SAMD4A: variants seen among roughly 807,000 people sequenced by gnomAD.
SAMD4A encodes the protein sterile alpha motif domain containing 4A.
A neutral mutation model predicts 81.3 loss-of-function variants in SAMD4A; 33 were observed. That is an observed-to-expected ratio of 0.41 (90% CI 0.31 to 0.54). SAMD4A has a LOEUF of 0.54. Ranked by LOEUF, SAMD4A falls within the 20% of genes least tolerant of loss-of-function variation. The pLI, the probability that SAMD4A is intolerant of heterozygous loss-of-function variation, is 0.37. For missense variants in SAMD4A, 854 were observed against 951.1 expected (o/e 0.90, Z 1.34); for synonymous variants, 389 against 382.1 (o/e 1.02, Z -0.21).
At chr14:54,616,694 A>G (rs1007555206) in intron 2 of SAMD4A, among the ~76,000 whole-genome samples, 14 of 152,366 alleles carry the variant, frequency 9.2e-5, no homozygotes, top group African/African-American at 2.9e-4. Context: ...TGGTTAAGCT[A>G]TGTTTCCATA....
chr14:54,764,944 C>T (rs987660610), intron 8 of SAMD4A, among the ~76,000 whole-genome samples: 3 of 152,170 alleles, frequency 2.0e-5, no homozygotes, highest in African/African-American at 7.2e-5. Flanking sequence ...AGAAAGAGAG[C>T]CCATAAAGAA....
chr14:54,598,591 G>GA (rs1239916212), intron 2 of SAMD4A, among the ~76,000 whole-genome samples: 1 of 152,044 alleles, frequency 6.6e-6, no homozygotes, highest in East Asian at 1.9e-4. Context: ...TCTTCCTTAG[G>GA]AAAAAGTAGA....
intron 2 of SAMD4A, among the ~76,000 whole-genome samples, chr14:54,603,998 T>G (rs2034133021): frequency 6.6e-6 from 1 of 152,138 alleles, no homozygotes; most frequent in Non-Finnish European, 1.5e-5. Flanking sequence ...CTAATTTTTG[T>G]ATTTTTAGTA....
At chr14:54,656,668 C>T (rs556662636) in intron 2 of SAMD4A, among the ~76,000 whole-genome samples, 3 of 152,258 alleles carry the variant, frequency 2.0e-5, no homozygotes, top group Non-Finnish European at 4.4e-5. Context: ...CACTGTGTTG[C>T]CCAGGCTGGA....
At chr14:54,597,994 G>A (rs4901523) in intron 2 of SAMD4A, among the ~76,000 whole-genome samples, 22,591 of 152,124 alleles carry the variant, frequency 0.15, 1,993 homozygotes, top group East Asian at 0.38. Flanking sequence ...GGACAGATGA[G>A]TCATGCTAAT....
chr14:54,595,267 A>G (rs1036091992), intron 2 of SAMD4A, among the ~76,000 whole-genome samples: 1 of 152,122 alleles, frequency 6.6e-6, no homozygotes, highest in Admixed American at 6.5e-5. Flanking sequence ...ATTTGAGCAC[A>G]TCTTCACTAG....
chr14:54,626,167 T>C (rs1483091427), intron 2 of SAMD4A, among the ~76,000 whole-genome samples: 1 of 151,966 alleles, frequency 6.6e-6, no homozygotes, highest in Non-Finnish European at 1.5e-5. Context: ...AAATAGTGGC[T>C]CTAGTTTAAT....
At chr14:54,674,780 C>T (rs1335251342) in intron 2 of SAMD4A, among the ~76,000 whole-genome samples, 1 of 152,194 alleles carries the variant, frequency 6.6e-6, no homozygotes, top group Non-Finnish European at 1.5e-5. Flanking sequence ...CAGGGTCTCA[C>T]TCTGTCACCC....
In SAMD4A at chr14:54,775,612, C is replaced by A. The variant is rs78838132; in HGVS notation, c.1917+477C>A. On this transcript the variant is annotated intron_variant, in intron 10 of 12. Coordinates refer to ENST00000554335, the MANE Select transcript of SAMD4A (RefSeq NM_015589.6). ...TTCTCAGCCTGCCCAGAGGTTCTTGCTGTGCAGTTTAGAGCTGACTTCTCT... is the reference window on the plus strand; with the variant it reads ...TTCTCAGCCTGCCCAGAGGTTCTTGATGTGCAGTTTAGAGCTGACTTCTCT... Among the ~76,000 whole-genome samples, 40 of 152,280 alleles carry A rather than the reference C, an allele frequency of 2.6e-4. No homozygotes were observed. In the East Asian group the frequency reaches 7.3e-3, roughly 28 times the overall value.
intron 2 of SAMD4A, among the ~76,000 whole-genome samples, chr14:54,647,565 A>G (rs2035312662): frequency 6.6e-6 from 1 of 152,260 alleles, no homozygotes; most frequent in Admixed American, 6.5e-5. Context: ...TACATTGACT[A>G]TATGCTCATG....
In SAMD4A at chr14:54,737,110, C is replaced by T. The variant is rs1470712625; in HGVS notation, c.802C>T (p.His268Tyr). Residue 268 changes from histidine to tyrosine, a missense_variant, in exon 4 of 13, where the codon CAT (histidine) becomes TAT (tyrosine). By Grantham distance (83) the His-to-Tyr change is moderately conservative. Coordinates refer to ENST00000554335, the MANE Select transcript of SAMD4A (RefSeq NM_015589.6). ...PMNVPNQPLG[H>Y]GWMSHEDLRA... is the part of the protein sequence containing the mutation. ...GAATGTGCCAAACCAGCCTCTAGGA[C>T]ATGGATGGATGTCTCATGAGGACTT... 2 of 1,614,058 alleles carry T rather than the reference C, an allele frequency of 1.2e-6. No individual in the cohort carries two copies. The highest frequency in any genetic ancestry group is 1.7e-5 in the Admixed American group (1 of 60,016).
At chr14:54,753,008 C>T (rs990732709) in intron 6 of SAMD4A, among the ~76,000 whole-genome samples, 5 of 152,234 alleles carry the variant, frequency 3.3e-5, no homozygotes, top group Non-Finnish European at 5.9e-5. Context: ...TCTTGCCTCC[C>T]ATCACAGGGC....
At chr14:54,702,668 C>T (rs185058653) in intron 3 of SAMD4A, 88 bp downstream of exon 3, 3 of 1,434,704 alleles carry the variant, frequency 2.1e-6, no homozygotes, top group African/African-American at 1.4e-5. Context: ...CTGCTCCATG[C>T]ACCCTGTGAC....
At chr14:54,684,893 G>T (rs2036221115) in intron 2 of SAMD4A, among the ~76,000 whole-genome samples, 1 of 152,248 alleles carries the variant, frequency 6.6e-6, no homozygotes, top group South Asian at 2.1e-4. Context: ...GGAAGGAGAA[G>T]CTGAGCGCAG....
At chr14:54,714,258 TCAGAG>T (rs2140824879) in intron 3 of SAMD4A, among the ~76,000 whole-genome samples, 1 of 152,294 alleles carries the variant, frequency 6.6e-6, no homozygotes, top group South Asian at 2.1e-4. Flanking sequence ...TGCAAAAACA[TCAGAG>T]CATAGACTCT....
chr14:54,568,197 G>T, intron 2 of SAMD4A, 85 bp downstream of exon 2: 4 of 1,229,886 alleles, frequency 3.3e-6, no homozygotes, highest in Non-Finnish European at 4.2e-6. Flanking sequence ...CCAGGCCGAG[G>T]CCAGTCCCTG....
intron 2 of SAMD4A, among the ~76,000 whole-genome samples, chr14:54,579,999 A>G (rs1378263029): frequency 6.6e-6 from 1 of 152,240 alleles, no homozygotes; most frequent in Non-Finnish European, 1.5e-5. Flanking sequence ...AATATGTTAC[A>G]GTTGGTATAA....
intron 2 of SAMD4A, among the ~76,000 whole-genome samples, chr14:54,700,724 A>T (rs756729073): frequency 1.3e-5 from 2 of 152,162 alleles, no homozygotes; most frequent in African/African-American, 2.4e-5. Context: ...CCTGTGAATA[A>T]CTGTCAATCC....
chr14:54,580,359 C>T (rs1353582402), intron 2 of SAMD4A, among the ~76,000 whole-genome samples: 1 of 152,220 alleles, frequency 6.6e-6, no homozygotes, highest in East Asian at 1.9e-4. Flanking sequence ...TGTTTCTTTA[C>T]TCACAATAAA....
Sources: allele counts gnomAD v4.1 joint callset (sites outside exome capture counted in the v4.1 genomes callset), GRCh38; gene constraint gnomAD v4.1.1; transcripts MANE v1.5; gene names NCBI Gene and HGNC (gene_info 2026-07-23, HGNC 2026-07-21).